Variants in PDIA5 observed in about 807,000 individuals in gnomAD.
PDIA5 encodes the protein protein disulfide-isomerase A5.
Under a neutral mutation model 77.6 loss-of-function variants are expected in PDIA5, and 58 were observed. That is an observed-to-expected ratio of 0.75 (90% CI 0.61 to 0.93). The LOEUF (loss-of-function observed/expected upper bound fraction) is 0.93. Among genes scored for constraint, PDIA5 ranks in the 40% least tolerant of loss-of-function variants. The pLI is 0.00. For missense variants in PDIA5, 630 were observed against 647.7 expected (o/e 0.97, Z 0.30); for synonymous variants, 250 against 252.1 (o/e 0.99, Z 0.08).
At chr3:123,108,626 G>A (rs1302121332) in intron 6 of PDIA5, among the ~76,000 whole-genome samples, 3 of 144,404 alleles carry the variant, frequency 2.1e-5, no homozygotes, top group African/African-American at 5.1e-5. Flanking sequence ...ACTGGCTCAC[G>A]CCTGTAATCC....
At chr3:123,161,701 A>G in intron 16 of PDIA5, 179 bp from the exon 17 acceptor site, 1 of 659,346 alleles carries the variant, frequency 1.5e-6, no homozygotes, top group South Asian at 1.8e-5. Context: ...GGGTTTTCTC[A>G]CTTGCTGGTC....
At chr3:123,137,302 C>T (rs1935524957) in intron 11 of PDIA5, among the ~76,000 whole-genome samples, 1 of 152,186 alleles carries the variant, frequency 6.6e-6, no homozygotes, top group Admixed American at 6.5e-5. Context: ...ATCAGCTTTT[C>T]ATGTTTCTTC....
chr3:123,143,168 C>CA (rs35830852), intron 11 of PDIA5, among the ~76,000 whole-genome samples: 96,500 of 151,626 alleles, frequency 0.64, 31,772 homozygotes, highest in East Asian at 0.83. Flanking sequence ...GGGTGGATCA[C>CA]AGGTCAGGAG....
intron 11 of PDIA5, among the ~76,000 whole-genome samples, chr3:123,135,323 C>T (rs1167577722): frequency 6.6e-6 from 1 of 152,126 alleles, no homozygotes; most frequent in Non-Finnish European, 1.5e-5. Flanking sequence ...TGTTCCTGAG[C>T]AGCTCGTCTC....
At chr3:123,157,548 T>TAA in intron 15 of PDIA5, among the ~76,000 whole-genome samples, 1 of 152,198 alleles carries the variant, frequency 6.6e-6, no homozygotes, top group East Asian at 1.9e-4. Flanking sequence ...CACCCCAAGC[T>TAA]GCCACTTCTT....
intron 1 of PDIA5, among the ~76,000 whole-genome samples, chr3:123,075,656 G>T (rs1933835915): frequency 6.6e-6 from 1 of 152,150 alleles, no homozygotes. Flanking sequence ...AATTCTGGCT[G>T]TGAGTGGAGA....
At chr3:123,089,329 C>A in intron 2 of PDIA5, 35 bp downstream of exon 2, 5 of 1,607,356 alleles carry the variant, frequency 3.1e-6, no homozygotes, top group Non-Finnish European at 4.3e-6. Context: ...GGTCAACCAT[C>A]GGGGTAGGAT....
At chr3:123,151,432 GCTCT>G (rs1298869554) in intron 14 of PDIA5, among the ~76,000 whole-genome samples, 1 of 152,232 alleles carries the variant, frequency 6.6e-6, no homozygotes, top group Non-Finnish European at 1.5e-5. Flanking sequence ...AGCCTGGATG[GCTCT>G]CTCTATGTCA....
At chr3:123,103,491 C>T (rs1332773764) in intron 5 of PDIA5, among the ~76,000 whole-genome samples, 2 of 152,154 alleles carry the variant, frequency 1.3e-5, no homozygotes, top group African/African-American at 4.8e-5. Flanking sequence ...TCCTAACCCT[C>T]CTGTTTCCCA....
Position 123,072,109 on chromosome 3 carries a change from T to A in PDIA5, c.42+4903T>A, listed in dbSNP as rs147897075. Among the ~76,000 whole-genome samples, 516 of 149,270 alleles carry A rather than the reference T, an allele frequency of 3.5e-3. 2 individuals are homozygous for A. Among genetic ancestry groups the A allele is most frequent in the African/African-American group, 0.012 (498 of 40,550 alleles). ...TAATAACAAGATCAATCAGGCCGCA[T>A]GTAGGGTTGGGTGGGAGGGGGAGAG... On this transcript the variant is annotated intron_variant, in intron 1 of 16. Coordinates refer to ENST00000316218, the MANE Select transcript of PDIA5 (RefSeq NM_006810.4).
Position 123,106,791 on chromosome 3 carries a change from TGGGA to T in PDIA5, c.433_436del (p.Glu145LysfsTer21). 6.2e-7 allele frequency: 1 copy of T among 1,613,024 alleles called. No homozygotes were observed. The highest frequency in any genetic ancestry group is 8.5e-7 in the Non-Finnish European group (1 of 1,179,678). ...GAAGGATCCAAAAGGGCCCCCACTGTGGGAGGAAGATCCTGGAGCCAAAGATGTT... is the reference window on the plus strand; with the variant it reads ...GAAGGATCCAAAAGGGCCCCCACTGTGGAAGATCCTGGAGCCAAAGATGTT... On this transcript the variant is annotated frameshift_variant, in exon 6 of 17. Transcript: ENST00000316218. LOFTEE classifies it high-confidence loss of function.
At chr3:123,147,112 A>G (rs1395315587) in intron 13 of PDIA5, among the ~76,000 whole-genome samples, 1 of 152,002 alleles carries the variant, frequency 6.6e-6, no homozygotes, top group Non-Finnish European at 1.5e-5. Flanking sequence ...TGTGCAGCCT[A>G]TTTTCTTACA....
intron 11 of PDIA5, among the ~76,000 whole-genome samples, chr3:123,131,837 G>A (rs115297046): frequency 8.6e-4 from 130 of 151,976 alleles, no homozygotes; most frequent in Non-Finnish European, 1.5e-3. Context: ...AGACAAGGCC[G>A]CGTGAGAGCC....
chr3:123,086,449 A>T (rs2107916547), intron 1 of PDIA5, among the ~76,000 whole-genome samples: 1 of 152,366 alleles, frequency 6.6e-6, no homozygotes, highest in Non-Finnish European at 1.5e-5. Flanking sequence ...GGCGTGACTC[A>T]TATTAGAAAG....
Position 123,161,356 on chromosome 3 carries a change from G to A in PDIA5, c.1380G>A (p.Lys460=). Residue 460 remains lysine, a synonymous_variant, in exon 16 of 17, where the codon AAG becomes AAA. Coordinates refer to ENST00000316218, the MANE Select transcript of PDIA5 (RefSeq NM_006810.4). ...CCGCTGTTGACTGTGTCAAAGACAA[G>A]AACCAAGACCTGTGCCAGCAGGAGG... is the stretch of plus-strand genomic sequence containing the variant. ...ACAAVDCVKD[K]NQDLCQQEAV... 2 of 1,614,204 alleles carry A rather than the reference G, an allele frequency of 1.2e-6. No individual in the cohort carries two copies. The highest frequency in any genetic ancestry group is 8.5e-7 in the Non-Finnish European group (1 of 1,180,028).
At chr3:123,145,051 T>C (rs546465877) in intron 11 of PDIA5, 1 of 154,710 alleles carries the variant, frequency 6.5e-6, no homozygotes, top group Admixed American at 6.5e-5. Context: ...CCAGAGAAGA[T>C]GATGATGGTG....
chr3:123,107,456 G>A (rs1041193864), intron 6 of PDIA5, among the ~76,000 whole-genome samples: 2 of 152,132 alleles, frequency 1.3e-5, no homozygotes, highest in Non-Finnish European at 2.9e-5. Flanking sequence ...TCAGGAGGCC[G>A]AGGCAGGAGG....
At chr3:123,072,912 C>CTGTGTGAGTG (rs1933760608) in intron 1 of PDIA5, among the ~76,000 whole-genome samples, 1 of 146,824 alleles carries the variant, frequency 6.8e-6, no homozygotes, top group Admixed American at 6.8e-5. Flanking sequence ...ACCTCTCCTT[C>CTGTGTGAGTG]TGTGTGTGTG....
At chr3:123,144,488 A>G (rs1935713717) in intron 11 of PDIA5, 1 of 152,266 alleles carries the variant, frequency 6.6e-6, no homozygotes, top group South Asian at 2.1e-4. Context: ...AAAACAATGT[A>G]CAAATGTCAA....
Sources: allele counts gnomAD v4.1 joint callset (sites outside exome capture counted in the v4.1 genomes callset), GRCh38; gene constraint gnomAD v4.1.1; transcripts MANE v1.5; gene names NCBI Gene and HGNC (gene_info 2026-07-23, HGNC 2026-07-21).